The following ATP6V0D1 variants were observed in gnomAD, a reference collection of about 807,000 sequenced individuals.
The protein encoded by ATP6V0D1 is V-type proton ATPase subunit d 1.
ATP6V0D1 carries 13 observed loss-of-function variants against 39.0 expected under a neutral mutation model. That is an observed-to-expected ratio of 0.33 (90% CI 0.22 to 0.53). The LOEUF (loss-of-function observed/expected upper bound fraction) is 0.53, where lower values mean the gene tolerates loss of function less well. Among genes scored for constraint, ATP6V0D1 ranks in the 20% least tolerant of loss-of-function variants. The pLI is 0.94. For synonymous variants in ATP6V0D1, 191 were observed against 191.2 expected (o/e 1.00, Z 0.01); for missense variants, 272 against 470.9 (o/e 0.58, Z 3.91).
At position 67,468,873 on chromosome 16, in the gene ATP6V0D1, T is replaced by A. The variant is rs562561130; in HGVS notation, c.130+12084A>T. On this transcript the variant is annotated intron_variant, in intron 1 of 7. Coordinates refer to ENST00000290949, the MANE Select transcript of ATP6V0D1 (RefSeq NM_004691.5). Reference sequence around the variant, plus strand: ...TCGGAAACCAGGCCCAAGAAATCGCTGAGTAAACCCAAGAAAAAGTATATG... The same window carrying A: ...TCGGAAACCAGGCCCAAGAAATCGCAGAGTAAACCCAAGAAAAAGTATATG... Among the ~76,000 whole-genome samples the A allele has an allele frequency of 2.0e-5, 3 of 152,244 alleles. No individual in the cohort carries two copies. In the South Asian group the frequency reaches 6.2e-4, roughly 32 times the overall value.
In ATP6V0D1 at chr16:67,453,670, G is replaced by T; in HGVS notation, c.176C>A (p.Ala59Asp). 1 of 1,614,100 alleles carries T rather than the reference G, an allele frequency of 6.2e-7. No homozygotes were observed. Among genetic ancestry groups the T allele is most frequent in the Non-Finnish European group, 8.5e-7 (1 of 1,180,026 alleles). Residue 59 changes from alanine to aspartate, a missense_variant, in exon 2 of 8, where the codon GCC (alanine) becomes GAC (aspartate). By Grantham distance (126) the Ala-to-Asp change is moderately radical. Coordinates refer to ENST00000290949, the MANE Select transcript of ATP6V0D1 (RefSeq NM_004691.5). The surrounding 1 kb of genome is among the most constrained non-coding windows in gnomAD (Gnocchi z 4.1). ...LQSTDYGNFLANEASPLTVSV... is the reference protein window; with the variant it reads ...LQSTDYGNFLDNEASPLTVSV... ...CACCGTCAGAGGTGATGCCTCGTTGGCCAGGAAGTTACCATAATCAGTGCT... is the reference window on the plus strand; with the variant it reads ...CACCGTCAGAGGTGATGCCTCGTTGTCCAGGAAGTTACCATAATCAGTGCT...
chr16:67,446,326 C>T (rs13332041), intron 2 of ATP6V0D1, among the ~76,000 whole-genome samples: 2,012 of 152,282 alleles, frequency 0.013, 42 homozygotes, highest in African/African-American at 0.046. Context: ...CCCAGCCTGG[C>T]GCCCTGCGAA....
intron 4 of ATP6V0D1, among the ~76,000 whole-genome samples, chr16:67,442,566 C>A (rs1258647911): frequency 2.0e-5 from 3 of 151,830 alleles, no homozygotes; most frequent in African/African-American, 4.8e-5. Context: ...GTTGCCCAGT[C>A]TATGCTACAG....
At chr16:67,474,739 A>G (rs1167655384) in intron 1 of ATP6V0D1, among the ~76,000 whole-genome samples, 1 of 152,090 alleles carries the variant, frequency 6.6e-6, no homozygotes, top group Non-Finnish European at 1.5e-5. Context: ...CAATTTCCCA[A>G]GCTCAGAACT....
chr16:67,472,124 G>A (rs1473586714), intron 1 of ATP6V0D1, among the ~76,000 whole-genome samples: 1 of 152,116 alleles, frequency 6.6e-6, no homozygotes, highest in African/African-American at 2.4e-5. Context: ...AGCAGCAGCA[G>A]CAAGCTGGAG....
chr16:67,447,913 C>T lies in ATP6V0D1; in HGVS notation c.303-3207G>A, dbSNP rs2041135860. Among the ~76,000 whole-genome samples the T allele has an allele frequency of 6.6e-6, 1 of 152,226 alleles. No homozygotes were observed. The highest frequency in any genetic ancestry group is 6.5e-5 in the Admixed American group (1 of 15,286). ...CCCCAGCAGGTGCTCCAGTGAGCTG[C>T]TAATGACAGTATCTGTATTCAATCA... On this transcript the variant is annotated intron_variant, in intron 2 of 7. Transcript: ENST00000290949. This position sits in a 1 kb window ranked among gnomAD's most constrained non-coding sequence, Gnocchi z 4.1.
intron 1 of ATP6V0D1, among the ~76,000 whole-genome samples, chr16:67,466,898 G>A (rs1459527211): frequency 2.6e-5 from 4 of 152,168 alleles, no homozygotes; most frequent in Non-Finnish European, 5.9e-5. Context: ...ATAAGGAACT[G>A]GTCTGTCTTG....
At chr16:67,451,592 T>C (rs1021034813) in intron 2 of ATP6V0D1, among the ~76,000 whole-genome samples, 1 of 152,134 alleles carries the variant, frequency 6.6e-6, no homozygotes, top group Non-Finnish European at 1.5e-5. Flanking sequence ...GAGCAGGTCA[T>C]TGGAGATGAC....
intron 1 of ATP6V0D1, among the ~76,000 whole-genome samples, chr16:67,478,139 G>A (rs1221296972): frequency 6.6e-6 from 1 of 152,180 alleles, no homozygotes; most frequent in Non-Finnish European, 1.5e-5. Flanking sequence ...TATGAGATAG[G>A]TGCTGTTAAT....
chr16:67,466,815 G>A (rs58413092), intron 1 of ATP6V0D1, among the ~76,000 whole-genome samples: 1 of 152,062 alleles, frequency 6.6e-6, no homozygotes, highest in Non-Finnish European at 1.5e-5. Flanking sequence ...GAAAAGAAAA[G>A]AAAAGAAAGA....
intron 1 of ATP6V0D1, among the ~76,000 whole-genome samples, chr16:67,477,796 C>A (rs1369766403): frequency 6.6e-6 from 1 of 152,088 alleles, no homozygotes; most frequent in East Asian, 1.9e-4. Flanking sequence ...CCTCAGCCTC[C>A]GGAGTAGCTG....
Position 67,438,193 on chromosome 16 carries a change from G to C in ATP6V0D1, c.*335C>G. On this transcript the variant is annotated 3_prime_UTR_variant, in exon 8 of 8. Coordinates refer to ENST00000290949, the MANE Select transcript of ATP6V0D1 (RefSeq NM_004691.5). ...AGGCTCAAACTGCCCCCAGGCCCCA[G>C]GGTTCTCAGGTCAGGGAGTTAGGGA... The C allele has an allele frequency of 3.4e-6, 1 of 291,402 alleles. No individual in the cohort carries two copies. The highest frequency in any genetic ancestry group is 4.0e-5 in the South Asian group (1 of 25,226). The allele number at this position is 291,402 out of a possible 1,614,324, so 18.1% of individuals were successfully genotyped here.
chr16:67,438,460 C>T lies in ATP6V0D1; in HGVS notation c.*68G>A, dbSNP rs1048031882. On this transcript the variant is annotated 3_prime_UTR_variant, in exon 8 of 8. Coordinates refer to ENST00000290949, the MANE Select transcript of ATP6V0D1 (RefSeq NM_004691.5). ...TTGTCACAGACCACATACACACACACGCACACACACGCGCACACACACACA... is the reference window on the plus strand; with the variant it reads ...TTGTCACAGACCACATACACACACATGCACACACACGCGCACACACACACA... 78 of 1,545,458 alleles carry T rather than the reference C, an allele frequency of 5.0e-5. No homozygotes were observed. Among genetic ancestry groups the T allele is most frequent in the Admixed American group, 3.2e-4 (17 of 53,492 alleles).
chr16:67,455,762 TCAC>T (rs1180916287), intron 1 of ATP6V0D1: 1 of 152,196 alleles, frequency 6.6e-6, no homozygotes, highest in Non-Finnish European at 1.5e-5. Context: ...TCCCACATCC[TCAC>T]CACATCTAAC....
At chr16:67,470,518 C>G (rs2041364244) in intron 1 of ATP6V0D1, among the ~76,000 whole-genome samples, 1 of 152,240 alleles carries the variant, frequency 6.6e-6, no homozygotes, top group African/African-American at 2.4e-5. Context: ...ACAGTTAAGG[C>G]TGCTCTCTAG....
intron 1 of ATP6V0D1, among the ~76,000 whole-genome samples, chr16:67,473,233 G>A (rs1034841683): frequency 2.0e-5 from 3 of 152,102 alleles, no homozygotes; most frequent in East Asian, 1.9e-4. Context: ...GGGGGGTGGC[G>A]CAGCAACAGC....
rs964612641 is a variant in ATP6V0D1 at position 67,472,695 on chromosome 16, G to A, written c.130+8262C>T. Among the ~76,000 whole-genome samples the A allele has an allele frequency of 9.9e-5, 15 of 152,088 alleles. 1 individual carries two copies. The highest frequency in any genetic ancestry group is 3.4e-4 in the African/African-American group (14 of 41,394). Reference sequence around the variant, plus strand: ...ATCCTGGCTAACACGGTGAAACCCCGTTTCTACTAAACAAAATACAAAAAA... The same window carrying A: ...ATCCTGGCTAACACGGTGAAACCCCATTTCTACTAAACAAAATACAAAAAA... On this transcript the variant is annotated intron_variant, in intron 1 of 7. Transcript: ENST00000290949.
chr16:67,446,665 C>T (rs114905544), intron 2 of ATP6V0D1, among the ~76,000 whole-genome samples: 44 of 152,264 alleles, frequency 2.9e-4, no homozygotes, highest in African/African-American at 1.0e-3. Flanking sequence ...CTCACATACC[C>T]CAGAACCCAT....
intron 2 of ATP6V0D1, among the ~76,000 whole-genome samples, chr16:67,451,301 T>A (rs937847191): frequency 6.6e-6 from 1 of 151,854 alleles, no homozygotes; most frequent in Non-Finnish European, 1.5e-5. Context: ...GAGCTGCGGA[T>A]GTTGGCAGAA....
Sources: gnomAD v4.1 joint callset for allele counts (sites outside exome capture counted in the v4.1 genomes callset) on GRCh38, gnomAD v4.1.1 for gene constraint, Gnocchi (gnomAD v3.1) non-coding constraint, MANE v1.5 for transcripts, NCBI Gene and HGNC (gene_info 2026-07-23, HGNC 2026-07-21) for gene names.